CLSTN2: variants seen among roughly 807,000 people sequenced by gnomAD.
CLSTN2 encodes calsyntenin 2, also known as calsyntenin-2.
A neutral mutation model predicts 101.2 loss-of-function variants in CLSTN2; 48 were observed. The observed-to-expected ratio is 0.47, with a 90% CI of 0.38 to 0.60. The LOEUF (loss-of-function observed/expected upper bound fraction) is 0.60. Ranked by LOEUF, CLSTN2 falls within the 20% of genes least tolerant of loss-of-function variation. The pLI, the probability that CLSTN2 is intolerant of heterozygous loss-of-function variation, is 0.00. For synonymous variants in CLSTN2, 481 were observed against 463.6 expected, an observed-to-expected ratio of 1.04 and a Z score of -0.48; for missense variants, 1,160 against 1,238.2, an observed-to-expected ratio of 0.94 and a Z score of 0.95.
chr3:140,386,875 T>C (rs1409747126), intron 2 of CLSTN2, among the ~76,000 whole-genome samples: 1 of 152,186 alleles, frequency 6.6e-6, no homozygotes, highest in Non-Finnish European at 1.5e-5. Context: ...GCAGGTTATA[T>C]AACATTTGGA....
rs1468266989 is a variant in CLSTN2, at chr3:140,438,977, G to A, written c.788-9542G>A. Among the ~76,000 whole-genome samples, 5 of 152,206 alleles carry A rather than the reference G, an allele frequency of 3.3e-5. No homozygotes were observed. In the South Asian group the frequency reaches 8.3e-4, roughly 25 times the overall value. Reference sequence around the variant, plus strand: ...CACCACATAGTTCTCTTCAAGTTTGGCTGCTGACCCACGGCCCCCCAGACA... The same window carrying A: ...CACCACATAGTTCTCTTCAAGTTTGACTGCTGACCCACGGCCCCCCAGACA... On this transcript the variant is annotated intron_variant, in intron 5 of 16. Transcript: ENST00000458420.
At chr3:140,099,230 G>A (rs1050252413) in intron 1 of CLSTN2, among the ~76,000 whole-genome samples, 2 of 152,160 alleles carry the variant, frequency 1.3e-5, no homozygotes, top group African/African-American at 4.8e-5. Flanking sequence ...GGAACTGCAT[G>A]GCTTAAAACA....
chr3:140,438,229 G>A (rs1224478712), intron 5 of CLSTN2, among the ~76,000 whole-genome samples: 3 of 152,016 alleles, frequency 2.0e-5, no homozygotes, highest in Non-Finnish European at 4.4e-5. Context: ...ATTTGTGACA[G>A]TGTACACTCC....
intron 3 of CLSTN2, 139 bp from the exon 4 acceptor site, chr3:140,404,419 C>A: frequency 1.4e-6 from 1 of 721,512 alleles, no homozygotes; most frequent in Non-Finnish European, 2.4e-6. Context: ...GGATGGGACA[C>A]TCAGACAACT....
chr3:140,446,249 G>A (rs1037591782), intron 5 of CLSTN2, among the ~76,000 whole-genome samples: 4 of 152,076 alleles, frequency 2.6e-5, no homozygotes, highest in African/African-American at 7.2e-5. Flanking sequence ...CCTCTGGGAG[G>A]GGATGGGCTA....
chr3:140,543,653 C>T (rs1378423437), intron 9 of CLSTN2, among the ~76,000 whole-genome samples: 2 of 152,218 alleles, frequency 1.3e-5, no homozygotes, highest in Non-Finnish European at 2.9e-5. Flanking sequence ...CATGCAGGGC[C>T]TTGGTCATCA....
intron 2 of CLSTN2, among the ~76,000 whole-genome samples, chr3:140,289,309 C>A (rs2086927939): frequency 6.6e-6 from 1 of 151,262 alleles, no homozygotes; most frequent in African/African-American, 2.5e-5. Flanking sequence ...TGGATCCAAG[C>A]CCAATTTCAT....
chr3:140,082,370 G>A (rs1008402490), intron 1 of CLSTN2, among the ~76,000 whole-genome samples: 1 of 152,126 alleles, frequency 6.6e-6, no homozygotes, highest in African/African-American at 2.4e-5. Flanking sequence ...TTGGCTTGGG[G>A]TTTATCTATT....
intron 9 of CLSTN2, among the ~76,000 whole-genome samples, chr3:140,536,511 CCTGATGACCTCACAGGTTCA>C (rs1442626242): frequency 6.6e-5 from 10 of 152,002 alleles, no homozygotes; most frequent in Admixed American, 6.6e-4. Flanking sequence ...ACATATAGAC[CCTGATGACCTCACAGGTTCA>C]CTGATGGTCA....
intron 9 of CLSTN2, among the ~76,000 whole-genome samples, chr3:140,536,317 G>T (rs1317861619): frequency 6.6e-6 from 1 of 151,950 alleles, no homozygotes; most frequent in Non-Finnish European, 1.5e-5. Context: ...TTGAATGATT[G>T]TGTAAATTTT....
intron 1 of CLSTN2, among the ~76,000 whole-genome samples, chr3:140,067,516 C>T (rs938130912): frequency 6.6e-6 from 1 of 152,150 alleles, no homozygotes; most frequent in Non-Finnish European, 1.5e-5. Context: ...ATTTAAACCT[C>T]GAGAAGGTCC....
intron 2 of CLSTN2, among the ~76,000 whole-genome samples, chr3:140,314,091 C>T (rs1376797867): frequency 6.6e-6 from 1 of 152,130 alleles, no homozygotes; most frequent in Non-Finnish European, 1.5e-5. Flanking sequence ...CATGACAGAC[C>T]CTGGACATTT....
chr3:140,037,733 T>C (rs2007682264), intron 1 of CLSTN2, among the ~76,000 whole-genome samples: 1 of 152,126 alleles, frequency 6.6e-6, no homozygotes, highest in African/African-American at 2.4e-5. Flanking sequence ...ATGTGTGTTG[T>C]TCCCCCCATG....
chr3:140,390,750 T>C (rs2088105845), intron 2 of CLSTN2, among the ~76,000 whole-genome samples: 1 of 152,248 alleles, frequency 6.6e-6, no homozygotes, highest in Admixed American at 6.5e-5. Context: ...AATGAGAACT[T>C]ATTTAATGTA....
intron 1 of CLSTN2, among the ~76,000 whole-genome samples, chr3:140,138,090 C>T (rs4683480): frequency 0.89 from 134,873 of 152,162 alleles, 59,976 homozygotes; most frequent in African/African-American, 0.95. Context: ...CTAAATTACA[C>T]TTACCCTTGC....
intron 2 of CLSTN2, among the ~76,000 whole-genome samples, chr3:140,233,371 TCTC>T (rs1252549606): frequency 6.6e-6 from 1 of 152,076 alleles, no homozygotes; most frequent in Non-Finnish European, 1.5e-5. Flanking sequence ...GTATAGGTGT[TCTC>T]CTCCAAGCTC....
chr3:140,009,866 A>G lies in CLSTN2; in HGVS notation c.109+74383A>G, dbSNP rs148417762. ...GCATCAGCACTCATGAGTCACTAAT[A>G]ATGAAATTGCTGTCTCGGCAATGGG... On this transcript the variant is annotated intron_variant, in intron 1 of 16. Coordinates refer to ENST00000458420, the MANE Select transcript of CLSTN2 (RefSeq NM_022131.3). Among the ~76,000 whole-genome samples, 4 of 152,372 alleles carry G rather than the reference A, an allele frequency of 2.6e-5. No individual in the cohort carries two copies. The East Asian group carries it at 7.7e-4, about 29-fold the overall frequency.
intron 1 of CLSTN2, among the ~76,000 whole-genome samples, chr3:140,011,907 C>T (rs907419923): frequency 6.6e-6 from 1 of 151,880 alleles, no homozygotes; most frequent in African/African-American, 2.4e-5. Flanking sequence ...GCCGAATGGT[C>T]CTAGTCAGGA....
intron 8 of CLSTN2, among the ~76,000 whole-genome samples, chr3:140,517,915 C>A (rs940223086): frequency 4.6e-5 from 7 of 152,120 alleles, no homozygotes; most frequent in Non-Finnish European, 1.0e-4. Context: ...TCTTTGGCTA[C>A]CAGGGCAGGT....
Sources: gnomAD v4.1 joint callset for allele counts (sites outside exome capture counted in the v4.1 genomes callset) on GRCh38, gnomAD v4.1.1 for gene constraint, MANE v1.5 for transcripts, NCBI Gene and HGNC (gene_info 2026-07-23, HGNC 2026-07-21) for gene names.